Variants in CDCA7L observed in about 807,000 individuals in gnomAD.
The protein encoded by CDCA7L is cell division cycle associated 7 like, also known as cell division cycle-associated 7-like protein.
A neutral mutation model predicts 57.4 loss-of-function variants in CDCA7L; 44 were observed. The ratio of observed to expected loss-of-function variants is 0.77; its 90% CI spans 0.60 to 0.98. The LOEUF is 0.98. Among genes scored for constraint, CDCA7L ranks in the 50% least tolerant of loss-of-function variants. The pLI is 0.00. For missense variants in CDCA7L, 644 were observed against 580.6 expected (o/e 1.11, Z -1.12); for synonymous variants, 236 against 202.8 (o/e 1.16, Z -1.39).
chr7:21,915,383 A>G (rs1373199334), intron 2 of CDCA7L, among the ~76,000 whole-genome samples: 1 of 152,186 alleles, frequency 6.6e-6, no homozygotes, highest in Non-Finnish European at 1.5e-5. Flanking sequence ...AAGCTCCACA[A>G]AAGAATACAG....
intron 1 of CDCA7L, among the ~76,000 whole-genome samples, chr7:21,922,110 T>G (rs1583861900): frequency 6.6e-6 from 1 of 152,298 alleles, no homozygotes; most frequent in Non-Finnish European, 1.5e-5. Flanking sequence ...AGGAAAATAC[T>G]AAGTCAAAAA....
Position 21,902,226 on chromosome 7 carries a change from AACACAACTGTAAAAAAATCTT to A in CDCA7L, c.*75_*95del. ...TTTCTACAAAGAATTTCTGTATAAA[AACACAACTGTAAAAAAATCTT>A]TCTTAGGCACCAATGGTATGCATGT... is the stretch of plus-strand genomic sequence containing the variant. On this transcript the variant is annotated 3_prime_UTR_variant, in exon 10 of 10. Transcript: ENST00000406877. The A allele has an allele frequency of 9.0e-7, 1 of 1,106,252 alleles. No homozygotes were observed. The highest frequency in any genetic ancestry group is 1.3e-6 in the Non-Finnish European group (1 of 744,790). 68.5% of individuals were successfully genotyped at this position (1,106,252 alleles called of 1,614,324 possible). A position where few individuals can be genotyped will look rare whatever the true frequency, so the allele number is the denominator to read the frequency against.
intron 1 of CDCA7L, among the ~76,000 whole-genome samples, chr7:21,941,301 G>A (rs777877915): frequency 1.4e-4 from 22 of 152,012 alleles, no homozygotes; most frequent in Non-Finnish European, 2.5e-4. Context: ...AGATCTCTAC[G>A]CTACTAGGAA....
At chr7:21,915,658 A>AACC (rs1785461764) in intron 2 of CDCA7L, among the ~76,000 whole-genome samples, 2 of 73,484 alleles carry the variant, frequency 2.7e-5, no homozygotes, top group Non-Finnish European at 4.8e-5. Context: ...AAAAAAAAAA[A>AACC]ACACACACAC....
intron 1 of CDCA7L, among the ~76,000 whole-genome samples, chr7:21,938,007 C>T (rs1183746108): frequency 6.6e-6 from 1 of 152,088 alleles, no homozygotes; most frequent in East Asian, 1.9e-4. Context: ...AGTTTCATGA[C>T]ACTGAATTTG....
Position 21,916,760 on chromosome 7 carries a change from C to G in CDCA7L, c.159G>C (p.Gly53=), listed in dbSNP as rs765221489. 6.2e-7 allele frequency: 1 copy of G among 1,613,910 alleles called. No individual in the cohort carries two copies. The highest frequency in any genetic ancestry group is 1.1e-5 in the South Asian group (1 of 91,062). Residue 53 remains glycine (G), a synonymous_variant, in exon 2 of 10, where the codon GGG becomes GGC. Transcript: ENST00000406877. ...SCDSFDSLES[G]KQQDVRFHSK... is the part of the protein sequence containing the mutation. ...TGGAAGGAATCATCCATACCTGTTT[C>G]CCTGACTCTAGTGAGTCAAAACTAT...
intron 2 of CDCA7L, among the ~76,000 whole-genome samples, chr7:21,915,166 A>G (rs1040540618): frequency 2.0e-5 from 3 of 152,158 alleles, no homozygotes; most frequent in African/African-American, 7.2e-5. Context: ...CCAGGAACAC[A>G]GCAGAAGTTT....
At position 21,903,070 on chromosome 7, in the gene CDCA7L, G is replaced by A. The variant is rs959529715; in HGVS notation, c.1242C>T (p.Tyr414=). 7.4e-6 allele frequency: 12 copies of A among 1,614,062 alleles called. No homozygotes were observed. The highest frequency in any genetic ancestry group is 1.6e-4 in the Middle Eastern group (1 of 6,062). The change falls in exon 9 of 10, where the codon TAC becomes TAT. Residue 414 remains tyrosine, a synonymous_variant. Transcript: ENST00000406877. ...PPCRGICNCS[Y]CRKRDGRCAT... ...CACAGCGGCCGTCACGCTTCCGACA[G>A]TAGCTGCAATTGCAGATCCCACGAC...
chr7:21,901,128 C>T lies in CDCA7L; in HGVS notation c.*1194G>A, dbSNP rs187353983. The stretch of plus-strand genomic sequence containing the variant: ...TGGACAGACAAGAAACCAAACAGAC[C>T]TACGAGTGCCCTGTGTATAGAACCA... On this transcript the variant is annotated 3_prime_UTR_variant, in exon 10 of 10. Coordinates refer to ENST00000406877, the MANE Select transcript of CDCA7L (RefSeq NM_018719.5). 6.9e-5 allele frequency: 112 copies of T among 1,613,952 alleles called. No individual in the cohort carries two copies. The African/African-American group carries it at 1.3e-3, about 18-fold the overall frequency.
In CDCA7L at chr7:21,945,863, C is replaced by A; in HGVS notation, c.-59G>T. 6.5e-7 allele frequency: 1 copy of A among 1,548,284 alleles called. No individual in the cohort carries two copies. The highest frequency in any genetic ancestry group is 1.2e-5 in the South Asian group (1 of 84,416). The stretch of plus-strand genomic sequence containing the variant: ...CGCGGCCACGGGAGCCCGGACTCAC[C>A]ACGGCCCGGCGCACCAAGAACGCCC... On this transcript the variant is annotated 5_prime_UTR_variant, in exon 1 of 10. Transcript: ENST00000406877.
chr7:21,913,487 G>A (rs111566279), intron 2 of CDCA7L, among the ~76,000 whole-genome samples: 1 of 152,204 alleles, frequency 6.6e-6, no homozygotes, highest in East Asian at 1.9e-4. Context: ...GTGGGGTCGG[G>A]GTAGAGAAGC....
chr7:21,902,131 T>A lies in CDCA7L; in HGVS notation c.*191A>T, dbSNP rs573949350. The A allele has an allele frequency of 1.6e-6, 1 of 630,786 alleles. No individual in the cohort carries two copies. The highest frequency in any genetic ancestry group is 2.7e-5 in the East Asian group (1 of 36,368). 39.1% of individuals were successfully genotyped at this position (630,786 alleles called of 1,614,324 possible). A position where few individuals can be genotyped will look rare whatever the true frequency, so the allele number is the denominator to read the frequency against. ...AGGTCTGTGCATACATCTATATAGA[T>A]TCCTCTGCTCTGCTGTCTTCCTGAG... On this transcript the variant is annotated 3_prime_UTR_variant, in exon 10 of 10. Coordinates refer to ENST00000406877, the MANE Select transcript of CDCA7L (RefSeq NM_018719.5).
chr7:21,945,870 C>A lies in CDCA7L; in HGVS notation c.-66G>T. 3 of 1,532,260 alleles carry A rather than the reference C, an allele frequency of 2.0e-6. No individual in the cohort carries two copies. The highest frequency in any genetic ancestry group is 1.8e-6 in the Non-Finnish European group (2 of 1,138,486). The allele number at this position is 1,532,260 out of a possible 1,614,324, so 94.9% of individuals were successfully genotyped here. ...ACGGGAGCCCGGACTCACCACGGCC[C>A]GGCGCACCAAGAACGCCCCGCGCCC... On this transcript the variant is annotated 5_prime_UTR_variant, in exon 1 of 10. Coordinates refer to ENST00000406877, the MANE Select transcript of CDCA7L (RefSeq NM_018719.5).
intron 7 of CDCA7L, 147 bp downstream of exon 7, chr7:21,905,359 A>G (rs1785106440): frequency 1.3e-6 from 1 of 784,768 alleles, no homozygotes; most frequent in Non-Finnish European, 2.0e-6. Context: ...TTTCCCAGGT[A>G]CAGCTGACTT....
chr7:21,945,197 G>T (rs1372088934), intron 1 of CDCA7L, among the ~76,000 whole-genome samples: 1 of 152,124 alleles, frequency 6.6e-6, no homozygotes, highest in Non-Finnish European at 1.5e-5. Context: ...CTGTGCATAT[G>T]ATTTGGGATC....
intron 8 of CDCA7L, 143 bp from the exon 9 acceptor site, chr7:21,903,257 C>CCTCACAA (rs1485902514): frequency 2.8e-6 from 2 of 715,858 alleles, no homozygotes; most frequent in Non-Finnish European, 4.4e-6. Flanking sequence ...CCAGGGGGCT[C>CCTCACAA]CTCACAAGGC....
In CDCA7L at chr7:21,910,064, G is replaced by C. The variant is rs774203495; in HGVS notation, c.303+1553C>G. 2.8e-3 allele frequency among the ~76,000 whole-genome samples: 430 copies of C among 152,286 alleles called. 5 individuals carry two copies. Among genetic ancestry groups the C allele is most frequent in the Non-Finnish European group, 7.8e-4 (53 of 68,030 alleles). On this transcript the variant is annotated intron_variant, in intron 3 of 9. Coordinates refer to ENST00000406877, the MANE Select transcript of CDCA7L (RefSeq NM_018719.5). ...TGTGCTGAACTGTAAGCTATATCAT[G>C]ATCTATGTAACTACATCACACAGTC...
intron 9 of CDCA7L, 42 bp downstream of exon 9, chr7:21,902,936 A>AAGATTTCAAGCTGTTTT (rs766640267): frequency 1.9e-6 from 3 of 1,597,340 alleles, no homozygotes; most frequent in Non-Finnish European, 2.6e-6. Flanking sequence ...GCTCAGCCTC[A>AAGATTTCAAGCTGTTTT]AGATTTCAAG....
chr7:21,902,512 C>G, intron 9 of CDCA7L, 160 bp from the exon 10 acceptor site: 1 of 695,892 alleles, frequency 1.4e-6, no homozygotes, highest in East Asian at 2.6e-5. Flanking sequence ...CGTATACCCT[C>G]TGGTGTAGTA....
Sources: gnomAD v4.1 joint callset for allele counts (sites outside exome capture counted in the v4.1 genomes callset) on GRCh38, gnomAD v4.1.1 for gene constraint, MANE v1.5 for transcripts, NCBI Gene and HGNC (gene_info 2026-07-23, HGNC 2026-07-21) for gene names.